The following ZFP28 variants were observed in gnomAD, a reference collection of about 807,000 sequenced individuals.
ZFP28 encodes the protein zinc finger protein 28 homolog.
Under a neutral mutation model 39.5 loss-of-function variants are expected in ZFP28, and 31 were observed. The observed-to-expected ratio is 0.79, with a 90% confidence interval of 0.59 to 1.06. The LOEUF is 1.06. ZFP28 is among the 50% of genes least tolerant of loss of function. The pLI is 0.00. For synonymous variants in ZFP28, 400 were observed against 378.6 expected (o/e 1.06, Z -0.66); for missense variants, 925 against 1,048.4 (o/e 0.88, Z 1.63).
chr19:56,538,347 C>G (rs946653933), upstream of ZFP28: 1 of 152,394 alleles, frequency 6.6e-6, no homozygotes, highest in East Asian at 1.9e-4. Flanking sequence ...GACGCCCAGG[C>G]CCTTAGCACC....
intron 4 of ZFP28, among the ~76,000 whole-genome samples, 176 bp from the exon 5 acceptor site, chr19:56,548,782 T>C (rs2044266009): frequency 6.6e-6 from 1 of 152,240 alleles, no homozygotes; most frequent in Non-Finnish European, 1.5e-5. Context: ...GTAGGGTTGG[T>C]TGAATATTGC....
At chr19:56,553,096 A>G (rs1432875755) in intron 7 of ZFP28, 1 of 152,262 alleles carries the variant, frequency 6.6e-6, no homozygotes, top group African/African-American at 2.4e-5. Flanking sequence ...TTATTTGTCA[A>G]CTATGCCTCA....
chr19:56,551,171 G>T, intron 7 of ZFP28: 1 of 991,262 alleles, frequency 1.0e-6, no homozygotes, highest in Non-Finnish European at 1.2e-6. Context: ...GTTGTTCCCA[G>T]TGGTGTCTAT....
intron 7 of ZFP28, chr19:56,551,448 C>T (rs2044302135): frequency 1.0e-6 from 1 of 985,342 alleles, no homozygotes; most frequent in Non-Finnish European, 1.2e-6. Flanking sequence ...ACACGTTTTT[C>T]ATGTGGATTC....
Position 56,555,206 on chromosome 19 carries a change from T to C in ZFP28, c.2421T>C (p.His807=), listed in dbSNP as rs755300673. Reference sequence around the variant, plus strand: ...ACCTTAATCAACATAAGAGAGTTCATACTGGAGAGAGATCTTATAACTATA... The same window carrying C: ...ACCTTAATCAACATAAGAGAGTTCACACTGGAGAGAGATCTTATAACTATA... The part of the protein sequence containing the change: ...IGHLNQHKRV[H]TGERSYNYKK... The change falls in exon 8 of 8, where the codon CAT becomes CAC. Residue 807 remains histidine, a synonymous_variant. Coordinates refer to ENST00000301318, the MANE Select transcript of ZFP28 (RefSeq NM_020828.2). 2 of 1,614,192 alleles carry C rather than the reference T, an allele frequency of 1.2e-6. No individual in the cohort carries two copies. The highest frequency in any genetic ancestry group is 1.7e-6 in the Non-Finnish European group (2 of 1,180,046).
intron 7 of ZFP28, 170 bp downstream of exon 7, chr19:56,550,775 G>GCT (rs1568487094): frequency 6.5e-7 from 1 of 1,531,286 alleles, no homozygotes; most frequent in South Asian, 1.2e-5. Flanking sequence ...CTCCTCCTTT[G>GCT]CCCCCTTCTC....
At chr19:56,539,793 A>C in intron 2 of ZFP28, 77 bp downstream of exon 2, 1 of 1,385,032 alleles carries the variant, frequency 7.2e-7, no homozygotes, top group Non-Finnish European at 1.0e-6. Context: ...TTTTCTTGAA[A>C]GTTTTCAGTT....
At position 56,547,395 on chromosome 19, in the gene ZFP28, T is replaced by C. The variant is rs2044251413; in HGVS notation, c.301-113T>C. 1 of 1,465,904 alleles carries C rather than the reference T, an allele frequency of 6.8e-7. No individual in the cohort carries two copies. The highest frequency in any genetic ancestry group is 9.4e-7 in the Non-Finnish European group (1 of 1,063,602). The allele number at this position is 1,465,904 out of a possible 1,614,324, so 90.8% of individuals were successfully genotyped here. On this transcript the variant is annotated intron_variant, in intron 2 of 7. Transcript: ENST00000301318. The surrounding 1 kb of genome is among the most constrained non-coding windows in gnomAD (Gnocchi z 4.6). Reference sequence around the variant, plus strand: ...AGTCACATTCAAAAGTACTGGGGATTAGGAGTTTAATGTAGGAGTTTTGTC... The same window carrying C: ...AGTCACATTCAAAAGTACTGGGGATCAGGAGTTTAATGTAGGAGTTTTGTC...
intron 5 of ZFP28, among the ~76,000 whole-genome samples, chr19:56,549,473 C>T (rs941337989): frequency 1.3e-5 from 2 of 152,016 alleles, no homozygotes; most frequent in African/African-American, 4.8e-5. Flanking sequence ...GTCAGGAGAT[C>T]GAGACCATCC....
chr19:56,550,516 G>T lies in ZFP28; in HGVS notation c.809G>T (p.Cys270Phe), dbSNP rs1440083076. 2 of 1,613,510 alleles carry T rather than the reference G, an allele frequency of 1.2e-6. No homozygotes were observed. The highest frequency in any genetic ancestry group is 1.7e-5 in the Admixed American group (1 of 59,900). The change falls in exon 7 of 8, where the codon TGT becomes TTT. Residue 270 changes from cysteine (C) to phenylalanine (F), a missense_variant. Around this residue, in one of 2 missense-constraint regions of ZFP28, gnomAD observed 556 missense variants for 542.9 expected, o/e 1.02. Coordinates refer to ENST00000301318, the MANE Select transcript of ZFP28 (RefSeq NM_020828.2). The stretch of plus-strand genomic sequence containing the variant: ...TCTCTTTTCACTTTTTCAGGACATT[G>T]TGTGGCTAAGCCAGATTTAGTCTCT... ...NNSDLGSAGH[C>F]VAKPDLVSLL...
chr19:56,545,137 A>G (rs1186944899), intron 2 of ZFP28, among the ~76,000 whole-genome samples: 1 of 152,208 alleles, frequency 6.6e-6, no homozygotes, highest in Non-Finnish European at 1.5e-5. Context: ...TCTTTTGCTC[A>G]AGGACATTAA....
At position 56,555,347 on chromosome 19, in the gene ZFP28, G is replaced by C. The variant is rs1465669511; in HGVS notation, c.2562G>C (p.Leu854=). The C allele has an allele frequency of 2.5e-6, 4 of 1,612,922 alleles. No homozygotes were observed. The highest frequency in any genetic ancestry group is 2.5e-6 in the Non-Finnish European group (3 of 1,179,560). ...SLPSTSNPVD[L]FPKFLWNPSS... ...CTTCCACGTCAAATCCTGTGGATCT[G>C]TTTCCCAAATTTCTCTGGAATCCAT... is the stretch of plus-strand genomic sequence containing the variant. The change falls in exon 8 of 8, where the codon CTG becomes CTC. Residue 854 remains leucine, a synonymous_variant. Transcript: ENST00000301318.
At chr19:56,548,002 C>T in intron 4 of ZFP28, 100 bp downstream of exon 4, 2 of 1,077,476 alleles carry the variant, frequency 1.9e-6, no homozygotes, top group Non-Finnish European at 2.7e-6. Flanking sequence ...AAGCCTCTTG[C>T]TTAGGAATAT....
At chr19:56,550,336 G>A (rs1479213400) in intron 6 of ZFP28, 155 bp downstream of exon 6, 2 of 906,288 alleles carry the variant, frequency 2.2e-6, no homozygotes, top group East Asian at 5.3e-5. Flanking sequence ...TTGTAGAGGT[G>A]AAAGTTGGTG....
chr19:56,550,574 GA>G lies in ZFP28; in HGVS notation c.869del (p.Lys290SerfsTer4). The part of the protein sequence containing the change: ...LEQEKEPWMV[K>X]RELTGSLFSG... Reference sequence around the variant, plus strand: ...AGCAAGAGAAGGAGCCCTGGATGGTGAAGCGAGAGCTGACAGGAAGCCTGTT... The same window carrying G: ...AGCAAGAGAAGGAGCCCTGGATGGTGAGCGAGAGCTGACAGGAAGCCTGTT... On this transcript the variant is annotated frameshift_variant, in exon 7 of 8. Transcript: ENST00000301318. LOFTEE classifies it low-confidence loss of function (END_TRUNC). The G allele has an allele frequency of 6.2e-7, 1 of 1,614,160 alleles. No homozygotes were observed. The highest frequency in any genetic ancestry group is 8.5e-7 in the Non-Finnish European group (1 of 1,180,036).
rs2044342980 is a variant in ZFP28, at chr19:56,555,448, G to A, written c.*56G>A. On this transcript the variant is annotated 3_prime_UTR_variant, in exon 8 of 8. Coordinates refer to ENST00000301318, the MANE Select transcript of ZFP28 (RefSeq NM_020828.2). ...CAGCAGTTTAAAACCCCATCTCCCT[G>A]CCCTTTTGTTTTCTTTTTGTCCCTT... 6.6e-7 allele frequency: 1 copy of A among 1,517,414 alleles called. No individual in the cohort carries two copies. The highest frequency in any genetic ancestry group is 2.3e-5 in the East Asian group (1 of 44,062). 94.0% of individuals were successfully genotyped at this position (1,517,414 alleles called of 1,614,324 possible).
chr19:56,549,458 A>G (rs1255669865), intron 5 of ZFP28, among the ~76,000 whole-genome samples: 1 of 152,168 alleles, frequency 6.6e-6, no homozygotes, highest in African/African-American at 2.4e-5. Context: ...CGGGTGGATC[A>G]CAAGGTCAGG....
Position 56,554,119 on chromosome 19 carries a change from A to G in ZFP28, c.1334A>G (p.Glu445Gly). 2.5e-6 allele frequency: 4 copies of G among 1,614,246 alleles called. No individual in the cohort carries two copies. Among genetic ancestry groups the G allele is most frequent in the Non-Finnish European group, 3.4e-6 (4 of 1,180,048 alleles). The change falls in exon 8 of 8, where the codon GAG becomes GGG. Residue 445 changes from glutamate (E) to glycine (G), a missense_variant. By Grantham distance (98) the Glu-to-Gly change is moderately conservative. Coordinates refer to ENST00000301318, the MANE Select transcript of ZFP28 (RefSeq NM_020828.2). The surrounding 1 kb of genome is among the most constrained non-coding windows in gnomAD (Gnocchi z 6.7). The part of the protein sequence containing the change: ...LTVHQRIHTG[E>G]KPYKCNECGK... Reference sequence around the variant, plus strand: ...GTTCATCAGAGAATTCACACTGGAGAGAAACCTTATAAATGTAATGAATGT... The same window carrying G: ...GTTCATCAGAGAATTCACACTGGAGGGAAACCTTATAAATGTAATGAATGT...
At chr19:56,545,259 G>C (rs1269855991) in intron 2 of ZFP28, among the ~76,000 whole-genome samples, 1 of 152,178 alleles carries the variant, frequency 6.6e-6, no homozygotes, top group Non-Finnish European at 1.5e-5. Flanking sequence ...CAAGAGTGTA[G>C]CTCTGCAGTT....
Sources: gnomAD v4.1 joint callset for allele counts (sites outside exome capture counted in the v4.1 genomes callset) on GRCh38, gnomAD v4.1.1 for gene constraint, gnomAD v4.1.1 regional missense constraint, Gnocchi (gnomAD v3.1) non-coding constraint, MANE v1.5 for transcripts, NCBI Gene and HGNC (gene_info 2026-07-23, HGNC 2026-07-21) for gene names.